The following CLNK variants were observed in gnomAD, a reference collection of about 807,000 sequenced individuals.
CLNK encodes the protein cytokine-dependent hematopoietic cell linker.
In CLNK, 74 loss-of-function variants were observed where a neutral mutation model predicts 68.6. The observed-to-expected ratio is 1.08, with a 90% confidence interval of 0.89 to 1.31. The LOEUF (loss-of-function observed/expected upper bound fraction) is 1.31, where lower values mean the gene tolerates loss of function less well. Ranked by LOEUF, CLNK falls within the 50% of genes most tolerant of loss-of-function variation. The probability of loss-of-function intolerance (pLI) is 0.00; values close to 1 mark genes in which losing one functional copy is unlikely to be tolerated. For synonymous variants in CLNK, 198 were observed against 172.2 expected (o/e 1.15, Z -1.17); for missense variants, 553 against 515.3 (o/e 1.07, Z -0.71).
At chr4:10,598,737 C>G (rs962546001) in intron 2 of CLNK, 2 of 409,102 alleles carry the variant, frequency 4.9e-6, no homozygotes, top group East Asian at 8.3e-5. Context: ...TTCATTTAAT[C>G]AGCCACGTTT....
upstream of CLNK, among the ~76,000 whole-genome samples, chr4:10,686,810 T>TA (rs1296638715): frequency 5.3e-5 from 8 of 152,140 alleles, no homozygotes; most frequent in Non-Finnish European, 1.0e-4. Flanking sequence ...AACCCAAGTC[T>TA]AATGATATGA....
At chr4:10,729,033 G>A in the CLNK span, among the ~76,000 whole-genome samples, 1 of 152,120 alleles carries the variant, frequency 6.6e-6, no homozygotes, top group East Asian at 1.9e-4. Flanking sequence ...CTTCAACCCA[G>A]ATGCATGTTT....
At chr4:10,676,026 T>C (rs1041593689) in intron 1 of CLNK, among the ~76,000 whole-genome samples, 4 of 151,040 alleles carry the variant, frequency 2.6e-5, no homozygotes, top group African/African-American at 9.7e-5. Flanking sequence ...GTGTGTATAT[T>C]TGGAGAAGAG....
At chr4:10,673,079 G>A (rs1482736604) in intron 1 of CLNK, among the ~76,000 whole-genome samples, 1 of 152,188 alleles carries the variant, frequency 6.6e-6, no homozygotes, top group Non-Finnish European at 1.5e-5. Context: ...TTCTAATCAT[G>A]TCAAGCATCA....
At chr4:10,545,496 C>T (rs1302032396) in intron 8 of CLNK, among the ~76,000 whole-genome samples, 2 of 152,066 alleles carry the variant, frequency 1.3e-5, no homozygotes, top group Non-Finnish European at 2.9e-5. Flanking sequence ...CTTGGTTGTG[C>T]TTAGTCCACC....
intron 2 of CLNK, among the ~76,000 whole-genome samples, chr4:10,664,707 C>A (rs1724324098): frequency 6.6e-6 from 1 of 152,198 alleles, no homozygotes; most frequent in Admixed American, 6.5e-5. Flanking sequence ...TAACAAGCTC[C>A]CTGGTGATGC....
At chr4:10,687,393 A>C (rs1455848779), upstream of CLNK, among the ~76,000 whole-genome samples, 1 of 152,168 alleles carries the variant, frequency 6.6e-6, no homozygotes, top group Non-Finnish European at 1.5e-5. Context: ...GGGAAGTGAC[A>C]AGAGATCTGA....
chr4:10,540,271 T>C lies in CLNK; in HGVS notation c.602+223A>G, dbSNP rs186245369. 2.0e-3 allele frequency among the ~76,000 whole-genome samples: 310 copies of C among 152,320 alleles called. 1 individual carries two copies. Among genetic ancestry groups the C allele is most frequent in the African/African-American group, 6.9e-3 (288 of 41,576 alleles). ...ATGCTTGCTTCCCCCTCCACCATGATTGTAAGTTTCGTGAGGCTTCCCCAG... is the reference window on the plus strand; with the variant it reads ...ATGCTTGCTTCCCCCTCCACCATGACTGTAAGTTTCGTGAGGCTTCCCCAG... On this transcript the variant is annotated intron_variant, in intron 11 of 18. Coordinates refer to ENST00000226951, the MANE Select transcript of CLNK (RefSeq NM_052964.4).
chr4:10,685,490 T>C (rs1366904292), upstream of CLNK, among the ~76,000 whole-genome samples: 1 of 152,246 alleles, frequency 6.6e-6, no homozygotes, highest in Admixed American at 6.5e-5. Flanking sequence ...TAATACATTT[T>C]CTTTCGGCCT....
intron 1 of CLNK, among the ~76,000 whole-genome samples, chr4:10,672,174 G>A (rs1190049446): frequency 2.6e-5 from 4 of 152,170 alleles, no homozygotes; most frequent in Non-Finnish European, 5.9e-5. Flanking sequence ...ACGAGGAAGT[G>A]GGGGAGGGAA....
chr4:10,583,371 C>T (rs780491081), intron 4 of CLNK, among the ~76,000 whole-genome samples: 10 of 152,218 alleles, frequency 6.6e-5, no homozygotes, highest in Non-Finnish European at 1.0e-4. Context: ...CCTGCAACCT[C>T]CATCTCCCGG....
chr4:10,540,378 A>G, intron 11 of CLNK, 116 bp downstream of exon 11: 1 of 726,956 alleles, frequency 1.4e-6, no homozygotes, highest in East Asian at 2.6e-5. Context: ...GGACCAATAC[A>G]CTCCCCACCC....
chr4:10,719,006 G>C, the CLNK span, among the ~76,000 whole-genome samples: 1 of 151,898 alleles, frequency 6.6e-6, no homozygotes, highest in Non-Finnish European at 1.5e-5. Context: ...CTAATACCTA[G>C]AGCAAGCACT....
At chr4:10,511,449 G>T (rs1577096623) in intron 16 of CLNK, among the ~76,000 whole-genome samples, 1 of 152,056 alleles carries the variant, frequency 6.6e-6, no homozygotes, top group East Asian at 1.9e-4. Context: ...AGCCATTTCC[G>T]CTATCCATCT....
chr4:10,562,805 TC>T (rs935467693), intron 7 of CLNK, among the ~76,000 whole-genome samples: 19 of 152,230 alleles, frequency 1.2e-4, no homozygotes, highest in Admixed American at 1.2e-3. Context: ...TCATTATTTT[TC>T]AAAGTACACT....
chr4:10,597,900 G>A (rs950008989), intron 3 of CLNK, 78 bp downstream of exon 3: 33 of 972,700 alleles, frequency 3.4e-5, no homozygotes, highest in Admixed American at 1.5e-4. Context: ...GACAATTTTC[G>A]TGTTTGTGAT....
At chr4:10,665,975 A>G (rs1724381025) in intron 2 of CLNK, among the ~76,000 whole-genome samples, 1 of 152,170 alleles carries the variant, frequency 6.6e-6, no homozygotes, top group South Asian at 2.1e-4. Flanking sequence ...CCTAAATCCA[A>G]TGGCAAATAT....
chr4:10,551,272 T>C (rs1705820521), intron 8 of CLNK, among the ~76,000 whole-genome samples: 1 of 152,096 alleles, frequency 6.6e-6, no homozygotes, highest in Admixed American at 6.5e-5. Context: ...TGAGACCAAG[T>C]CTCGCTCCGT....
Position 10,489,668 on chromosome 4 carries a change from C to CTTTTTTT in CLNK, c.*798_*799insAAAAAAA. On this transcript the variant is annotated 3_prime_UTR_variant, in exon 19 of 19. Coordinates refer to ENST00000226951, the MANE Select transcript of CLNK (RefSeq NM_052964.4). ...AGAGCTAATATTCACCAACCCAACA[C>CTTTTTTT]CTTTTTTTTTTTTTGAGACGGAGTC... 3.3e-5 allele frequency: 1 copy of CTTTTTTT among 30,300 alleles called. No individual in the cohort carries two copies. The highest frequency in any genetic ancestry group is 1.6e-3 in the South Asian group (1 of 618). 1.9% of individuals were successfully genotyped at this position (30,300 alleles called of 1,614,324 possible).
Sources: allele counts gnomAD v4.1 joint callset (sites outside exome capture counted in the v4.1 genomes callset), GRCh38; gene constraint gnomAD v4.1.1; transcripts MANE v1.5; gene names NCBI Gene and HGNC (gene_info 2026-07-23, HGNC 2026-07-21).